Variants in NTPCR observed in about 807,000 individuals in gnomAD.
NTPCR encodes the protein cancer-related nucleoside-triphosphatase.
A neutral mutation model predicts 19.5 loss-of-function variants in NTPCR; 15 were observed. That is an observed-to-expected ratio of 0.77 (90% confidence interval 0.51 to 1.18). The LOEUF is 1.18. Ranked by LOEUF, NTPCR falls within the 50% of genes most tolerant of loss-of-function variation. NTPCR has a pLI of 0.00. For synonymous variants in NTPCR, 90 were observed against 95.8 expected, an observed-to-expected ratio of 0.94 and a Z score of 0.36; for missense variants, 206 against 240.4, an observed-to-expected ratio of 0.86 and a Z score of 0.95.
intron 4 of NTPCR, among the ~76,000 whole-genome samples, 176 bp from the exon 5 acceptor site, chr1:232,977,987 C>T (rs1038739424): frequency 5.9e-5 from 9 of 152,194 alleles, no homozygotes; most frequent in African/African-American, 1.2e-4. Context: ...TGCTGGGACT[C>T]GGTGATTCCT....
chr1:232,977,992 A>C (rs188892222), intron 4 of NTPCR, among the ~76,000 whole-genome samples, 171 bp from the exon 5 acceptor site: 1 of 152,158 alleles, frequency 6.6e-6, no homozygotes, highest in Non-Finnish European at 1.5e-5. Flanking sequence ...GGACTCGGTG[A>C]TTCCTGTCCT....
At position 232,951,934 on chromosome 1, in the gene NTPCR, G is replaced by A. The variant is rs551061063; in HGVS notation, c.34+1190G>A. Reference sequence around the variant, plus strand: ...AGCAGGCTGACCCCAAGACAACTGTGTGTTTTATTAATGGAGGTGTCCTGT... The same window carrying A: ...AGCAGGCTGACCCCAAGACAACTGTATGTTTTATTAATGGAGGTGTCCTGT... On this transcript the variant is annotated intron_variant, in intron 1 of 4. Coordinates refer to ENST00000366628, the MANE Select transcript of NTPCR (RefSeq NM_032324.3). 2.6e-5 allele frequency among the ~76,000 whole-genome samples: 4 copies of A among 152,274 alleles called. No individual in the cohort carries two copies. The East Asian group carries it at 7.7e-4, about 29-fold the overall frequency.
At chr1:232,978,105 A>G in intron 4 of NTPCR, 58 bp from the exon 5 acceptor site, 3 of 1,446,722 alleles carry the variant, frequency 2.1e-6, no homozygotes, top group Non-Finnish European at 2.9e-6. Context: ...GTTACCTAGC[A>G]CAAGATTGAA....
At chr1:232,958,801 A>G (rs1290111060) in intron 3 of NTPCR, among the ~76,000 whole-genome samples, 4 of 152,208 alleles carry the variant, frequency 2.6e-5, no homozygotes, top group Non-Finnish European at 5.9e-5. Context: ...TTCAAATGAA[A>G]TTCCAAGTGA....
intron 3 of NTPCR, chr1:232,964,210 A>G (rs1435214652): frequency 1.3e-5 from 2 of 152,222 alleles, no homozygotes; most frequent in Non-Finnish European, 2.9e-5. Flanking sequence ...TGTAAAGAAT[A>G]TAGTTCCAAT....
At position 232,981,715 on chromosome 1, in the gene NTPCR, CTT is replaced by C. The variant is rs199705051; in HGVS notation, c.*3503_*3504del. The C allele has an allele frequency of 0.13, 16,011 of 121,678 alleles. 490 individuals carry two copies. The highest frequency in any genetic ancestry group is 0.18 in the Non-Finnish European group (10,302 of 58,674). The allele number at this position is 121,678 out of a possible 1,614,324, so 7.5% of individuals were successfully genotyped here. On this transcript the variant is annotated 3_prime_UTR_variant, in exon 5 of 5. Transcript: ENST00000366628. ...CATTTTGATCTGTGTCCAAATAACT[CTT>C]TTTTTTTTTTTTTTTTTTGAGACAG...
rs1409201099 is a variant in NTPCR, at chr1:232,980,031, T to C, written c.*1800T>C. On this transcript the variant is annotated 3_prime_UTR_variant, in exon 5 of 5. Coordinates refer to ENST00000366628, the MANE Select transcript of NTPCR (RefSeq NM_032324.3). ...TGCATCTGAAACACCAAGGGCCATG[T>C]TCCTTCTGGTGCTTGTCCTTTTGAG... 1 of 152,280 alleles carries C rather than the reference T, an allele frequency of 6.6e-6. No homozygotes were observed. Among genetic ancestry groups the C allele is most frequent in the Non-Finnish European group, 1.5e-5 (1 of 68,050 alleles). 9.4% of individuals were successfully genotyped at this position (152,280 alleles called of 1,614,324 possible).
intron 3 of NTPCR, chr1:232,965,934 G>A (rs1489120581): frequency 1.3e-5 from 2 of 152,356 alleles, no homozygotes; most frequent in South Asian, 2.1e-4. Flanking sequence ...CATGTCCGGG[G>A]GAGCAGCTTC....
chr1:232,957,844 G>A (rs1668555301), intron 3 of NTPCR, among the ~76,000 whole-genome samples: 1 of 152,326 alleles, frequency 6.6e-6, no homozygotes, highest in African/African-American at 2.4e-5. Flanking sequence ...AGGAAGAACT[G>A]ACTTTAGACC....
intron 3 of NTPCR, chr1:232,968,571 C>T (rs1327895469): frequency 6.6e-6 from 1 of 152,200 alleles, no homozygotes; most frequent in Non-Finnish European, 1.5e-5. Context: ...TGTGTGCCTT[C>T]GAAGGCCTTT....
At chr1:232,960,714 T>A (rs1166741076) in intron 3 of NTPCR, among the ~76,000 whole-genome samples, 1 of 151,740 alleles carries the variant, frequency 6.6e-6, no homozygotes, top group African/African-American at 2.4e-5. Context: ...AAAAATAGAG[T>A]GTGTGTGGTA....
intron 3 of NTPCR, chr1:232,964,952 A>G (rs866280787): frequency 1.3e-5 from 2 of 152,220 alleles, no homozygotes; most frequent in Non-Finnish European, 1.5e-5. Context: ...ATACCTGGTC[A>G]TAACTCTTCC....
At chr1:232,956,777 A>G (rs1030314280) in intron 3 of NTPCR, among the ~76,000 whole-genome samples, 1 of 152,160 alleles carries the variant, frequency 6.6e-6, no homozygotes, top group Non-Finnish European at 1.5e-5. Context: ...GGAAGAGAAA[A>G]TGTCATTATA....
chr1:232,977,135 C>T (rs1191401911), intron 4 of NTPCR: 1 of 152,368 alleles, frequency 6.6e-6, no homozygotes, highest in African/African-American at 2.4e-5. Flanking sequence ...CCTGCTCTTA[C>T]CGGGAACCTT....
At chr1:232,967,218 A>C (rs548767526) in intron 3 of NTPCR, 1 of 152,112 alleles carries the variant, frequency 6.6e-6, no homozygotes, top group Non-Finnish European at 1.5e-5. Flanking sequence ...ACCATGTTAC[A>C]CGTTATAGTG....
chr1:232,975,287 G>A (rs932523634), intron 4 of NTPCR, among the ~76,000 whole-genome samples: 1 of 152,064 alleles, frequency 6.6e-6, no homozygotes, highest in Admixed American at 6.5e-5. Context: ...TCCCCTTCCC[G>A]CTTCTTGATT....
chr1:232,957,123 G>C (rs1051790886), intron 3 of NTPCR, among the ~76,000 whole-genome samples: 4 of 152,116 alleles, frequency 2.6e-5, no homozygotes, highest in Admixed American at 2.0e-4. Flanking sequence ...GAGGATTTCT[G>C]CATCTTTATT....
At chr1:232,964,816 T>C (rs1668767735) in intron 3 of NTPCR, 1 of 152,214 alleles carries the variant, frequency 6.6e-6, no homozygotes. Flanking sequence ...ATGAAAACGG[T>C]ATCAGGTATC....
intron 1 of NTPCR, 24 bp from the exon 2 acceptor site, chr1:232,955,530 CTTT>C (rs55951151): frequency 4.6e-3 from 6,127 of 1,325,828 alleles, no homozygotes; most frequent in South Asian, 5.9e-3. Context: ...GGCTTTTCTT[CTTT>C]TTTTTTTTTT....
Sources: gnomAD v4.1 joint callset for allele counts (sites outside exome capture counted in the v4.1 genomes callset) on GRCh38, gnomAD v4.1.1 for gene constraint, MANE v1.5 for transcripts, NCBI Gene and HGNC (gene_info 2026-07-23, HGNC 2026-07-21) for gene names.